The following STK32A variants were observed in gnomAD, a reference collection of about 807,000 sequenced individuals.
STK32A encodes the protein serine/threonine-protein kinase 32A.
In STK32A, 41 loss-of-function variants were observed where a neutral mutation model predicts 53.2. That is an observed-to-expected ratio of 0.77 (90% CI 0.60 to 1.00). STK32A has a LOEUF of 1.00. STK32A is among the 50% of genes least tolerant of loss of function. The probability of loss-of-function intolerance (pLI) is 0.00; values close to 1 mark genes in which losing one functional copy is unlikely to be tolerated. For missense variants in STK32A, 458 were observed against 485.8 expected, an observed-to-expected ratio of 0.94 and a Z score of 0.54; for synonymous variants, 166 against 162.8, an observed-to-expected ratio of 1.02 and a Z score of -0.15.
At chr5:147,389,190 C>A (rs1011716864), downstream of STK32A, among the ~76,000 whole-genome samples, 1 of 152,074 alleles carries the variant, frequency 6.6e-6, no homozygotes, top group African/African-American at 2.4e-5. Flanking sequence ...AATGGCCATC[C>A]CCTGGTATCC....
the STK32A span, among the ~76,000 whole-genome samples, chr5:147,397,059 A>G: frequency 1.1e-3 from 165 of 147,912 alleles, 1 homozygote; most frequent in African/African-American, 3.8e-3. Context: ...TTCTATATTT[A>G]TATATTAAGT....
intron 5 of STK32A, among the ~76,000 whole-genome samples, chr5:147,324,331 CA>C (rs1440151226): frequency 6.6e-6 from 1 of 151,320 alleles, no homozygotes; most frequent in Admixed American, 6.6e-5. Flanking sequence ...TAAGCTTAGA[CA>C]AAAAGGAGAA....
At chr5:147,345,313 C>T (rs772894790) in intron 6 of STK32A, among the ~76,000 whole-genome samples, 29 of 152,300 alleles carry the variant, frequency 1.9e-4, no homozygotes, top group Non-Finnish European at 2.8e-4. Flanking sequence ...TGACCTGATA[C>T]GTGTGAAGTA....
At chr5:147,327,670 A>G (rs1754667425) in intron 5 of STK32A, among the ~76,000 whole-genome samples, 1 of 152,212 alleles carries the variant, frequency 6.6e-6, no homozygotes, top group Non-Finnish European at 1.5e-5. Flanking sequence ...CAGTCTTCCC[A>G]TAGCTCCAGG....
chr5:147,250,127 T>C (rs960600557), intron 2 of STK32A, among the ~76,000 whole-genome samples: 7 of 152,108 alleles, frequency 4.6e-5, no homozygotes, highest in African/African-American at 1.4e-4. Context: ...TGAGTAGTTA[T>C]GTGGATGACT....
At chr5:147,335,804 T>TGC (rs1225479641) in intron 5 of STK32A, among the ~76,000 whole-genome samples, 1 of 152,118 alleles carries the variant, frequency 6.6e-6, no homozygotes, top group Admixed American at 6.5e-5. Flanking sequence ...TGTGTGTGTG[T>TGC]GCGCGCGTGC....
At chr5:147,254,690 T>C (rs13190650) in intron 2 of STK32A, among the ~76,000 whole-genome samples, 23,344 of 152,060 alleles carry the variant, frequency 0.15, 2,082 homozygotes, top group East Asian at 0.34. Context: ...CTAATTCTGA[T>C]TGGCTAATTT....
intron 2 of STK32A, among the ~76,000 whole-genome samples, chr5:147,253,587 C>T (rs889826087): frequency 1.2e-4 from 18 of 152,152 alleles, no homozygotes; most frequent in African/African-American, 4.3e-4. Flanking sequence ...AACTCCTGAT[C>T]TCAAGTGATC....
At chr5:147,343,154 G>A (rs561399580) in intron 6 of STK32A, 111 bp downstream of exon 6, 27 of 1,213,652 alleles carry the variant, frequency 2.2e-5, no homozygotes, top group East Asian at 7.0e-5. Context: ...CTATTCATTC[G>A]AGCTCTACTT....
At position 147,323,181 on chromosome 5, in the gene STK32A, G is replaced by T. The variant is rs543877190; in HGVS notation, c.261-717G>T. ...GCGTAGGTCCAGCATCGTGAGGAAG[G>T]ACTGGGGTCACACTCACAGAGTGTG... On this transcript the variant is annotated intron_variant, in intron 4 of 12. Transcript: ENST00000397936. Among the ~76,000 whole-genome samples the T allele has an allele frequency of 6.1e-4, 93 of 152,204 alleles. 1 individual carries two copies. The highest frequency in any genetic ancestry group is 1.2e-3 in the Non-Finnish European group (83 of 68,034).
chr5:147,343,119 T>C, intron 6 of STK32A, 76 bp downstream of exon 6: 1 of 1,474,766 alleles, frequency 6.8e-7, no homozygotes, highest in Non-Finnish European at 9.5e-7. Flanking sequence ...CAGAGGGGTA[T>C]TACACATGAA....
chr5:147,237,750 A>G (rs1295234406), intron 1 of STK32A, among the ~76,000 whole-genome samples: 3 of 152,220 alleles, frequency 2.0e-5, no homozygotes, highest in Non-Finnish European at 4.4e-5. Context: ...TTTTAGTATG[A>G]AAAGTAGCAT....
chr5:147,375,208 A>T lies in STK32A; in HGVS notation c.1022A>T (p.Asp341Val). The T allele has an allele frequency of 6.2e-7, 1 of 1,610,936 alleles. No homozygotes were observed. The highest frequency in any genetic ancestry group is 8.5e-7 in the Non-Finnish European group (1 of 1,178,614). ...AAGGAGAAGGATATGAGGAAATGCG[A>T]TTCTTCTCAGGTAAGCAGGTCCCCA... ...AKKEKDMRKC[D>V]SSQTCLLQEH... The change falls in exon 11 of 13, where the codon GAT becomes GTT. Residue 341 changes from aspartate to valine, a missense_variant. Physicochemically the swap from Asp to Val is radical, Grantham distance 152. Coordinates refer to ENST00000397936, the MANE Select transcript of STK32A (RefSeq NM_001112724.2).
At chr5:147,330,844 C>T (rs1754833763) in intron 5 of STK32A, among the ~76,000 whole-genome samples, 1 of 152,146 alleles carries the variant, frequency 6.6e-6, no homozygotes, top group African/African-American at 2.4e-5. Context: ...TGGCTATTAG[C>T]ACATTTACCA....
intron 5 of STK32A, among the ~76,000 whole-genome samples, chr5:147,334,889 G>A (rs1454501879): frequency 1.3e-5 from 2 of 152,114 alleles, no homozygotes; most frequent in Non-Finnish European, 1.5e-5. Context: ...TGATGCATGA[G>A]GGATACATTC....
chr5:147,382,287 T>A (rs571736467), intron 11 of STK32A, among the ~76,000 whole-genome samples: 1 of 152,314 alleles, frequency 6.6e-6, no homozygotes, highest in Non-Finnish European at 1.5e-5. Flanking sequence ...AGTTTCTTTT[T>A]AGGTTTTCTA....
intron 2 of STK32A, among the ~76,000 whole-genome samples, chr5:147,277,906 G>T (rs6894633): frequency 0.65 from 99,144 of 151,976 alleles, 32,687 homozygotes; most frequent in African/African-American, 0.74. Context: ...GAGATTCTAT[G>T]TTTACTCTAT....
At chr5:147,398,998 C>T in the STK32A span, 2 of 1,530,784 alleles carry the variant, frequency 1.3e-6, no homozygotes, top group Non-Finnish European at 1.8e-6. Context: ...ACTACCCTGG[C>T]ACACCACATA....
chr5:147,268,349 A>T (rs1155388), intron 2 of STK32A, among the ~76,000 whole-genome samples: 89,176 of 151,546 alleles, frequency 0.59, 26,574 homozygotes, highest in African/African-American at 0.67. Flanking sequence ...GATGCTTTGC[A>T]GGATTTCCCT....
Sources: allele counts gnomAD v4.1 joint callset (sites outside exome capture counted in the v4.1 genomes callset), GRCh38; gene constraint gnomAD v4.1.1; transcripts MANE v1.5; gene names NCBI Gene and HGNC (gene_info 2026-07-23, HGNC 2026-07-21).